CCDC146: variants seen among roughly 807,000 people sequenced by gnomAD.
The protein encoded by CCDC146 is coiled-coil domain containing 146, also known as coiled-coil domain-containing protein 146.
In CCDC146, 92 loss-of-function variants were observed where a neutral mutation model predicts 119.3. That is an observed-to-expected ratio of 0.77 (90% CI 0.65 to 0.92). The LOEUF (loss-of-function observed/expected upper bound fraction) is 0.92, where lower values mean the gene tolerates loss of function less well. Ranked by LOEUF, CCDC146 falls within the 40% of genes least tolerant of loss-of-function variation. CCDC146 has a pLI of 0.00. For missense variants in CCDC146, 1,000 were observed against 1,103.0 expected (o/e 0.91, Z 1.32); for synonymous variants, 372 against 371.8 (o/e 1.00, Z -0.01).
At chr7:77,198,019 A>T in intron 2 of CCDC146, 1 of 496,722 alleles carries the variant, frequency 2.0e-6, no homozygotes, top group Non-Finnish European at 2.6e-6. Context: ...CAGAATATTC[A>T]GTTATTTCAC....
Position 77,271,348 on chromosome 7 carries a change from C to T in CCDC146, c.1174-2346C>T, listed in dbSNP as rs541965449. On this transcript the variant is annotated intron_variant, in intron 9 of 18. Transcript: ENST00000285871. Reference sequence around the variant, plus strand: ...TCCCGTGCTGGACCCTTCCTGCCCTCGAACATCGGACTCCAAGTTTCTTCA... The same window carrying T: ...TCCCGTGCTGGACCCTTCCTGCCCTTGAACATCGGACTCCAAGTTTCTTCA... Among the ~76,000 whole-genome samples, 15 of 151,376 alleles carry T rather than the reference C, an allele frequency of 9.9e-5. No individual in the cohort carries two copies. In the South Asian group the frequency reaches 2.1e-3, roughly 21 times the overall value.
intron 6 of CCDC146, among the ~76,000 whole-genome samples, chr7:77,257,567 G>A (rs1339551097): frequency 6.6e-6 from 1 of 152,172 alleles, no homozygotes; most frequent in Non-Finnish European, 1.5e-5. Context: ...CTGCACCTAA[G>A]TTAGCATTTG....
chr7:77,279,337 C>T (rs1315674648), intron 13 of CCDC146, among the ~76,000 whole-genome samples: 2 of 152,002 alleles, frequency 1.3e-5, no homozygotes, highest in African/African-American at 2.4e-5. Context: ...AGAAAAAGCC[C>T]TTGTTCAAAC....
rs186302920 is a variant in CCDC146 at position 77,147,964 on chromosome 7, G to A, written c.-11-19694G>A. ...TCAGACAGGGACATTTAAGTCTGCA[G>A]AGGTTTCTGCTGCCTTTTGTTCGGC... On this transcript the variant is annotated intron_variant, in intron 1 of 18. Transcript: ENST00000285871. Among the ~76,000 whole-genome samples the A allele has an allele frequency of 1.6e-3, 247 of 152,366 alleles. 4 individuals are homozygous for A. Among genetic ancestry groups the A allele is most frequent in the Non-Finnish European group, 2.7e-3 (181 of 68,034 alleles).
Position 77,286,814 on chromosome 7 carries a change from A to G in CCDC146, c.2165A>G (p.Asp722Gly). ...TCTTAATAGTTTTCACAGTGTACAG[A>G]CAGAATTAAAGACCTGGAGAAACAG... ...VLQIQFSQCT[D>G]RIKDLEKQFV... The change falls in exon 16 of 19, where the codon GAC becomes GGC. Residue 722 changes from aspartate to glycine, a missense_variant. By Grantham distance (94) the Asp-to-Gly change is moderately conservative. Transcript: ENST00000285871. 1.2e-6 allele frequency: 2 copies of G among 1,613,832 alleles called. No individual in the cohort carries two copies. The highest frequency in any genetic ancestry group is 8.5e-7 in the Non-Finnish European group (1 of 1,179,704).
intron 1 of CCDC146, among the ~76,000 whole-genome samples, chr7:77,151,111 G>T (rs1402270609): frequency 1.3e-5 from 2 of 152,160 alleles, no homozygotes; most frequent in Admixed American, 6.5e-5. Context: ...CTTCCAGGTC[G>T]CAGACTGCCA....
intron 2 of CCDC146, among the ~76,000 whole-genome samples, chr7:77,203,837 AC>A (rs538004659): frequency 0.011 from 1,632 of 152,334 alleles, 33 homozygotes; most frequent in African/African-American, 0.038. Flanking sequence ...TAACACCAAT[AC>A]ATGGTGGGAT....
chr7:77,196,924 C>T lies in CCDC146; in HGVS notation c.156+29100C>T. ...TGGGATCAGGTGTAACTCTGTAGGT[C>T]TCACTGCTTCTTTTGCCTATTGCGT... is the stretch of plus-strand genomic sequence containing the variant. On this transcript the variant is annotated intron_variant, in intron 2 of 18. Transcript: ENST00000285871. This position sits in a 1 kb window ranked among gnomAD's most constrained non-coding sequence, Gnocchi z 4.2. 6.2e-7 allele frequency: 1 copy of T among 1,613,736 alleles called. No individual in the cohort carries two copies. Among genetic ancestry groups the T allele is most frequent in the Non-Finnish European group, 8.5e-7 (1 of 1,179,912 alleles).
At position 77,199,009 on chromosome 7, in the gene CCDC146, C is replaced by T. The variant is rs1020910793; in HGVS notation, c.156+31185C>T. 3 of 617,480 alleles carry T rather than the reference C, an allele frequency of 4.9e-6. No homozygotes were observed. In the African/African-American group the frequency reaches 5.5e-5, roughly 11 times the overall value. The allele number at this position is 617,480 out of a possible 1,614,324, so 38.3% of individuals were successfully genotyped here. ...CTAACTATGATTTTTGTAATTAGGT[C>T]ATATTTATGTGGTCATATTTGAGAA... On this transcript the variant is annotated intron_variant, in intron 2 of 18. Transcript: ENST00000285871.
In CCDC146 at chr7:77,262,322, C is replaced by A. The variant is rs773772297; in HGVS notation, c.1173+15C>A. Reference sequence around the variant, plus strand: ...TTCTATTAGAGGTGAGGGCTGTAAACTACCATCTGATTTTTAAGCTCGGTG... The same window carrying A: ...TTCTATTAGAGGTGAGGGCTGTAAAATACCATCTGATTTTTAAGCTCGGTG... On this transcript the variant is annotated intron_variant, in intron 9 of 18. Coordinates refer to ENST00000285871, the MANE Select transcript of CCDC146 (RefSeq NM_020879.3). The A allele has an allele frequency of 4.0e-6, 6 of 1,502,920 alleles. 1 individual carries two copies. In the Admixed American group the frequency reaches 1.4e-4, roughly 35 times the overall value. The allele number at this position is 1,502,920 out of a possible 1,614,324, so 93.1% of individuals were successfully genotyped here.
chr7:77,244,450 C>T (rs912513309), intron 4 of CCDC146, among the ~76,000 whole-genome samples: 4 of 152,300 alleles, frequency 2.6e-5, no homozygotes, highest in South Asian at 4.1e-4. Flanking sequence ...CTGCAACCTC[C>T]GTTCATGGTA....
At chr7:77,198,390 C>A in intron 2 of CCDC146, 1 of 904,546 alleles carries the variant, frequency 1.1e-6, no homozygotes, top group Non-Finnish European at 1.3e-6. Context: ...CCCAGTGACT[C>A]AGGTGAAAAG....
At chr7:77,171,549 A>G (rs576675374) in intron 2 of CCDC146, among the ~76,000 whole-genome samples, 1 of 152,222 alleles carries the variant, frequency 6.6e-6, no homozygotes, top group East Asian at 1.9e-4. Flanking sequence ...TGCGCTCCCC[A>G]TCAGTACCCC....
chr7:77,189,396 T>C (rs1791724194), intron 2 of CCDC146, among the ~76,000 whole-genome samples: 1 of 152,232 alleles, frequency 6.6e-6, no homozygotes, highest in Non-Finnish European at 1.5e-5. Context: ...CAACTTTTCA[T>C]CATGCTTTCC....
At chr7:77,161,673 A>T (rs1458182872) in intron 1 of CCDC146, among the ~76,000 whole-genome samples, 1 of 149,872 alleles carries the variant, frequency 6.7e-6, no homozygotes, top group Admixed American at 6.6e-5. Context: ...GCTTTAGGAG[A>T]TATACCTAAT....
chr7:77,218,059 C>A (rs184120742), intron 2 of CCDC146, among the ~76,000 whole-genome samples: 79 of 152,190 alleles, frequency 5.2e-4, no homozygotes, highest in African/African-American at 1.7e-3. Context: ...AACATCGCTA[C>A]AACCACATGA....
intron 18 of CCDC146, 33 bp from the exon 19 acceptor site, chr7:77,294,630 A>G (rs1235195372): frequency 1.2e-6 from 2 of 1,606,910 alleles, no homozygotes; most frequent in South Asian, 2.2e-5. Flanking sequence ...CAGAGTTTTC[A>G]GAGAACTGAA....
At chr7:77,278,900 T>C (rs1200965534) in intron 12 of CCDC146, 37 bp from the exon 13 acceptor site, 1 of 1,600,934 alleles carries the variant, frequency 6.2e-7, no homozygotes, top group African/African-American at 1.3e-5. Context: ...CTGATGTTCA[T>C]TTCATAAGTT....
At chr7:77,158,324 G>C (rs895123448) in intron 1 of CCDC146, among the ~76,000 whole-genome samples, 2 of 151,950 alleles carry the variant, frequency 1.3e-5, no homozygotes, top group African/African-American at 4.8e-5. Flanking sequence ...ATACCTGATG[G>C]CTATGTAGTT....
Sources: gnomAD v4.1 joint callset for allele counts (sites outside exome capture counted in the v4.1 genomes callset) on GRCh38, gnomAD v4.1.1 for gene constraint, Gnocchi (gnomAD v3.1) non-coding constraint, MANE v1.5 for transcripts, NCBI Gene and HGNC (gene_info 2026-07-23, HGNC 2026-07-21) for gene names.